The following SMAP1 variants were observed in gnomAD, a reference collection of about 807,000 sequenced individuals.
SMAP1 encodes the protein small ArfGAP 1.
SMAP1 carries 24 observed loss-of-function variants against 58.5 expected under a neutral mutation model. That is an observed-to-expected ratio of 0.41 (90% CI 0.30 to 0.58). The LOEUF (loss-of-function observed/expected upper bound fraction) is 0.58. Among genes scored for constraint, SMAP1 ranks in the 20% least tolerant of loss-of-function variants. The pLI, the probability that SMAP1 is intolerant of heterozygous loss-of-function variation, is 0.29. For missense variants in SMAP1, 563 were observed against 566.3 expected (o/e 0.99, Z 0.06); for synonymous variants, 216 against 196.6 (o/e 1.10, Z -0.82).
chr6:70,831,777 A>G (rs979323495), intron 6 of SMAP1, among the ~76,000 whole-genome samples: 2 of 152,224 alleles, frequency 1.3e-5, no homozygotes, highest in Non-Finnish European at 2.9e-5. Flanking sequence ...TCTTGGGCAT[A>G]TACCCAATGA....
chr6:70,835,329 G>A (rs1280429218), intron 6 of SMAP1, among the ~76,000 whole-genome samples: 1 of 151,506 alleles, frequency 6.6e-6, no homozygotes, highest in African/African-American at 2.4e-5. Flanking sequence ...CTAAGGGAGA[G>A]TGTAGTGATT....
At chr6:70,687,341 T>C (rs1312761768) in intron 1 of SMAP1, among the ~76,000 whole-genome samples, 7 of 152,190 alleles carry the variant, frequency 4.6e-5, no homozygotes, top group Admixed American at 4.6e-4. Context: ...ACAATTCCAA[T>C]TAACCAAGGG....
chr6:70,840,311 C>T (rs1240328795), intron 7 of SMAP1, among the ~76,000 whole-genome samples: 1 of 152,130 alleles, frequency 6.6e-6, no homozygotes, highest in Non-Finnish European at 1.5e-5. Flanking sequence ...AATGAACTTA[C>T]TTTCTTTTGT....
chr6:70,779,150 G>C (rs1379183968), intron 4 of SMAP1, among the ~76,000 whole-genome samples: 1 of 152,238 alleles, frequency 6.6e-6, no homozygotes, highest in Non-Finnish European at 1.5e-5. Flanking sequence ...TCCTGGAGCA[G>C]ACTCCCTGAT....
chr6:70,790,751 A>G (rs975545675), intron 4 of SMAP1, among the ~76,000 whole-genome samples: 3 of 152,186 alleles, frequency 2.0e-5, no homozygotes, highest in African/African-American at 7.2e-5. Context: ...TTATTTTGAC[A>G]TTACATAATG....
intron 6 of SMAP1, among the ~76,000 whole-genome samples, chr6:70,826,696 C>T (rs1032967340): frequency 4.6e-5 from 7 of 152,046 alleles, no homozygotes; most frequent in African/African-American, 7.2e-5. Context: ...GTCAAGGCTT[C>T]AGTGCGTGGT....
intron 4 of SMAP1, among the ~76,000 whole-genome samples, chr6:70,780,587 A>G (rs962265362): frequency 6.6e-6 from 1 of 152,324 alleles, no homozygotes; most frequent in Non-Finnish European, 1.5e-5. Flanking sequence ...GTTTCAAAAA[A>G]GAAAAAGAGA....
At chr6:70,812,274 C>T (rs759347607) in intron 6 of SMAP1, among the ~76,000 whole-genome samples, 8 of 152,116 alleles carry the variant, frequency 5.3e-5, no homozygotes, top group Non-Finnish European at 1.2e-4. Context: ...AATACACGAT[C>T]GAGTGAATCA....
Position 70,774,016 on chromosome 6 carries a change from A to C in SMAP1, c.414+591A>C, listed in dbSNP as rs575420349. On this transcript the variant is annotated intron_variant, in intron 4 of 10. Transcript: ENST00000370455. ...TATTTTTACTGTACTCTATGTTTAG[A>C]TATATCTGCATACACAGATACTTAC... 1.1e-4 allele frequency among the ~76,000 whole-genome samples: 16 copies of C among 152,302 alleles called. 1 individual carries two copies. In the South Asian group the frequency reaches 2.9e-3, roughly 28 times the overall value.
chr6:70,834,286 C>T (rs1770478356), intron 6 of SMAP1, among the ~76,000 whole-genome samples: 1 of 148,068 alleles, frequency 6.8e-6, no homozygotes, highest in Non-Finnish European at 1.5e-5. Context: ...AGTCTTAGAT[C>T]ATAGAAAATA....
At chr6:70,781,824 G>A (rs973931041) in intron 4 of SMAP1, among the ~76,000 whole-genome samples, 3 of 152,112 alleles carry the variant, frequency 2.0e-5, no homozygotes, top group African/African-American at 7.2e-5. Flanking sequence ...TTGGGAACTT[G>A]TTTTACGTGG....
At chr6:70,830,545 A>G (rs1011567456) in intron 6 of SMAP1, among the ~76,000 whole-genome samples, 2 of 152,240 alleles carry the variant, frequency 1.3e-5, no homozygotes, top group Non-Finnish European at 2.9e-5. Flanking sequence ...CTACAGAGCA[A>G]AAGTACAAAT....
intron 1 of SMAP1, among the ~76,000 whole-genome samples, chr6:70,682,301 G>A (rs549515450): frequency 6.8e-6 from 1 of 147,528 alleles, no homozygotes; most frequent in Non-Finnish European, 1.5e-5. Flanking sequence ...CGATTCTCCT[G>A]CCTTGGCCTC....
chr6:70,807,677 G>A (rs935607591), intron 6 of SMAP1, among the ~76,000 whole-genome samples: 14 of 152,134 alleles, frequency 9.2e-5, no homozygotes, highest in Non-Finnish European at 1.0e-4. Flanking sequence ...ATCAAAGCAT[G>A]GAACATGCAA....
chr6:70,787,149 A>G (rs1768082113), intron 4 of SMAP1, among the ~76,000 whole-genome samples: 1 of 152,208 alleles, frequency 6.6e-6, no homozygotes, highest in African/African-American at 2.4e-5. Flanking sequence ...AATGCCGCAT[A>G]TCTACAACTA....
At position 70,668,657 on chromosome 6, in the gene SMAP1, C is replaced by T. The variant is rs550109095; in HGVS notation, c.118+516C>T. The T allele has an allele frequency of 1.6e-4, 242 of 1,535,970 alleles. 2 individuals carry two copies. In the South Asian group the frequency reaches 2.6e-3, roughly 17 times the overall value. ...GAGCCCTACCTGCCTGCCCACCTGA[C>T]AGCTTTTGTACAAGGCTTTTATCTC... is the stretch of plus-strand genomic sequence containing the variant. On this transcript the variant is annotated intron_variant, in intron 1 of 10. Coordinates refer to ENST00000370455, the MANE Select transcript of SMAP1 (RefSeq NM_001044305.3).
Position 70,860,532 on chromosome 6 carries a change from T to C in SMAP1, c.*198T>C, listed in dbSNP as rs954683914. 1.4e-5 allele frequency: 7 copies of C among 509,666 alleles called. No homozygotes were observed. The African/African-American group carries it at 1.4e-4, about 10-fold the overall frequency. The allele number at this position is 509,666 out of a possible 1,614,324, so 31.6% of individuals were successfully genotyped here. ...AAGCAGGTTGATAAATCATTTTATG[T>C]CAAGGGCAGCTTTGCTCATATTTCC... On this transcript the variant is annotated 3_prime_UTR_variant, in exon 11 of 11. Transcript: ENST00000370455.
At chr6:70,745,665 T>G (rs1766001048) in intron 2 of SMAP1, among the ~76,000 whole-genome samples, 2 of 152,356 alleles carry the variant, frequency 1.3e-5, no homozygotes, top group South Asian at 4.1e-4. Context: ...GGGCTCTTTT[T>G]TGGTTCCATA....
intron 1 of SMAP1, chr6:70,668,467 C>T (rs1472062934): frequency 2.1e-6 from 3 of 1,419,478 alleles, no homozygotes; most frequent in Non-Finnish European, 2.8e-6. Context: ...GAGCGCGGAA[C>T]CGGGCACGGG....
Sources: gnomAD v4.1 joint callset for allele counts (sites outside exome capture counted in the v4.1 genomes callset) on GRCh38, gnomAD v4.1.1 for gene constraint, MANE v1.5 for transcripts, NCBI Gene and HGNC (gene_info 2026-07-23, HGNC 2026-07-21) for gene names.